The following MGAT4C variants were observed in gnomAD, a reference collection of about 807,000 sequenced individuals.
MGAT4C encodes MGAT4 family member C, also known as alpha-1,3-mannosyl-glycoprotein 4-beta-N-acetylglucosaminyltransferase C.
In MGAT4C, 19 loss-of-function variants were observed where a neutral mutation model predicts 40.1. That is an observed-to-expected ratio of 0.47 (90% CI 0.33 to 0.70). The LOEUF (loss-of-function observed/expected upper bound fraction) is 0.70, where lower values mean the gene tolerates loss of function less well. Ranked by LOEUF, MGAT4C falls within the 30% of genes least tolerant of loss-of-function variation. The pLI, the probability that MGAT4C is intolerant of heterozygous loss-of-function variation, is 0.02. For missense variants in MGAT4C, 491 were observed against 563.2 expected (o/e 0.87, Z 1.30); for synonymous variants, 181 against 187.1 (o/e 0.97, Z 0.27).
rs572377819 is a variant in MGAT4C, at chr12:86,366,434, T to C, written c.-119-32307A>G. ...TTGGTACTATGTTGAAGGAAATGGT[T>C]CTGTAGGTCACTATCCTAAGCAAAT... On this transcript the variant is annotated intron_variant, in intron 3 of 7. Transcript: ENST00000548651. Among the ~76,000 whole-genome samples, 3 of 152,258 alleles carry C rather than the reference T, an allele frequency of 2.0e-5. No homozygotes were observed. In the East Asian group the frequency reaches 5.8e-4, roughly 29 times the overall value.
chr12:86,205,031 T>C (rs556369619), intron 1 of MGAT4C, among the ~76,000 whole-genome samples: 1 of 152,124 alleles, frequency 6.6e-6, no homozygotes, highest in East Asian at 1.9e-4. Flanking sequence ...TGTTGATCCT[T>C]GTACATATTA....
intron 2 of MGAT4C, among the ~76,000 whole-genome samples, chr12:86,014,166 A>G (rs1288831876): frequency 6.6e-6 from 1 of 152,122 alleles, no homozygotes; most frequent in Non-Finnish European, 1.5e-5. Flanking sequence ...ACCTGCCACA[A>G]TGTTTCCTGT....
chr12:86,016,162 ACTCAACTGG>A (rs1245369294), intron 2 of MGAT4C: 1 of 152,174 alleles, frequency 6.6e-6, no homozygotes, highest in Non-Finnish European at 1.5e-5. Flanking sequence ...AACGAAATGC[ACTCAACTGG>A]GACAATCCTT....
intron 2 of MGAT4C, among the ~76,000 whole-genome samples, chr12:86,455,889 C>T (rs545384852): frequency 1.3e-5 from 2 of 151,980 alleles, no homozygotes; most frequent in East Asian, 1.9e-4. Flanking sequence ...AGACAATTTT[C>T]AAGACAAGAT....
At chr12:86,156,970 G>C (rs955462324) in intron 1 of MGAT4C, among the ~76,000 whole-genome samples, 3 of 151,840 alleles carry the variant, frequency 2.0e-5, no homozygotes, top group Non-Finnish European at 4.4e-5. Context: ...TCCCCCTCCT[G>C]GTGTGTGTGA....
chr12:86,071,021 A>G (rs574627123), intron 1 of MGAT4C, among the ~76,000 whole-genome samples: 4 of 152,078 alleles, frequency 2.6e-5, no homozygotes, highest in African/African-American at 9.7e-5. Flanking sequence ...ATGAAATAAG[A>G]CAGATAGTCT....
chr12:86,826,121 A>G (rs17014233), intron 1 of MGAT4C, among the ~76,000 whole-genome samples: 3,659 of 151,440 alleles, frequency 0.024, 142 homozygotes, highest in African/African-American at 0.083. Flanking sequence ...ATTATGGGAT[A>G]CCTCATCAAC....
intron 3 of MGAT4C, among the ~76,000 whole-genome samples, chr12:86,400,185 G>A (rs192368482): frequency 3.3e-5 from 5 of 152,188 alleles, no homozygotes; most frequent in African/African-American, 1.2e-4. Context: ...GGTCACAGAA[G>A]TCTTCTATAT....
intron 1 of MGAT4C, among the ~76,000 whole-genome samples, chr12:86,742,605 T>C (rs968008079): frequency 6.6e-6 from 1 of 151,406 alleles, no homozygotes; most frequent in Non-Finnish European, 1.5e-5. Flanking sequence ...TTAGCCTAAA[T>C]GAGATTAGTG....
chr12:86,431,723 T>A lies in MGAT4C; in HGVS notation c.-120+3434A>T, dbSNP rs563665118. On this transcript the variant is annotated intron_variant, in intron 3 of 7. Transcript: ENST00000548651. ...TTCCCATCATGATTGAGTGACTGACTGGAGCTGCAGCTTGCTGCTGCTTCC... is the reference window on the plus strand; with the variant it reads ...TTCCCATCATGATTGAGTGACTGACAGGAGCTGCAGCTTGCTGCTGCTTCC... Among the ~76,000 whole-genome samples, 7 of 152,260 alleles carry A rather than the reference T, an allele frequency of 4.6e-5. No individual in the cohort carries two copies. The South Asian group carries it at 1.4e-3, about 32-fold the overall frequency.
At chr12:86,461,277 C>T (rs1479481262) in intron 2 of MGAT4C, among the ~76,000 whole-genome samples, 2 of 136,738 alleles carry the variant, frequency 1.5e-5, no homozygotes, top group African/African-American at 5.4e-5. Context: ...CTCGCTCTGT[C>T]GCCCAGGTCG....
At chr12:85,996,266 A>T (rs1281793985) in intron 2 of MGAT4C, among the ~76,000 whole-genome samples, 1 of 152,220 alleles carries the variant, frequency 6.6e-6, no homozygotes, top group Non-Finnish European at 1.5e-5. Flanking sequence ...TGATAATTTT[A>T]AGGAGAGAAA....
At chr12:86,048,408 G>A (rs11835390) in intron 2 of MGAT4C, among the ~76,000 whole-genome samples, 27,325 of 151,732 alleles carry the variant, frequency 0.18, 3,243 homozygotes, top group African/African-American at 0.34. Flanking sequence ...TATACCAAAC[G>A]ACAGTGAAAC....
chr12:86,644,583 C>G (rs1963482522), intron 2 of MGAT4C, among the ~76,000 whole-genome samples: 1 of 151,548 alleles, frequency 6.6e-6, no homozygotes, highest in South Asian at 2.1e-4. Context: ...GCAATTCTAC[C>G]CGAAGTATCA....
intron 1 of MGAT4C, among the ~76,000 whole-genome samples, chr12:86,137,223 A>C (rs1882101600): frequency 6.6e-6 from 1 of 152,134 alleles, no homozygotes; most frequent in Admixed American, 6.6e-5. Flanking sequence ...GCCATTCTTG[A>C]CTACTTTTTC....
In MGAT4C at chr12:86,005,126, C is replaced by T. The variant is rs187042715; in HGVS notation, c.-6-15574G>A. Among the ~76,000 whole-genome samples, 32 of 152,308 alleles carry T rather than the reference C, an allele frequency of 2.1e-4. 1 individual carries two copies. The highest frequency in any genetic ancestry group is 6.5e-4 in the Admixed American group (10 of 15,284). On this transcript the variant is annotated intron_variant, in intron 2 of 4. Transcript: ENST00000611864. ...CAGCCTGAAGAGACAGATTTGGTCA[C>T]TGCCTTGTGTCTCCTTGCCAATAAA... is the stretch of plus-strand genomic sequence containing the variant.
chr12:86,628,473 A>AAC (rs145438794), intron 2 of MGAT4C, among the ~76,000 whole-genome samples: 152,147 of 152,154 alleles, frequency 1, 76,070 homozygotes, highest in Middle Eastern at 1. Context: ...AATGAAGGAA[A>AAC]AAATGTTAAG....
intron 2 of MGAT4C, among the ~76,000 whole-genome samples, chr12:86,531,450 G>A (rs1428669433): frequency 4.6e-5 from 7 of 152,020 alleles, no homozygotes; most frequent in Non-Finnish European, 8.8e-5. Context: ...GCTAGGTATT[G>A]CCTGTGGTCA....
At chr12:86,008,676 T>C (rs2136807659) in intron 2 of MGAT4C, among the ~76,000 whole-genome samples, 1 of 152,256 alleles carries the variant, frequency 6.6e-6, no homozygotes, top group African/African-American at 2.4e-5. Flanking sequence ...ACTTTTGTGC[T>C]TTGTTATGAT....
Sources: gnomAD v4.1 joint callset for allele counts (sites outside exome capture counted in the v4.1 genomes callset) on GRCh38, gnomAD v4.1.1 for gene constraint, MANE v1.5 for transcripts, NCBI Gene and HGNC (gene_info 2026-07-23, HGNC 2026-07-21) for gene names.